Variants in ANKRD16 observed in about 807,000 individuals in gnomAD.
ANKRD16 encodes ankyrin repeat domain-containing protein 16.
A neutral mutation model predicts 37.9 loss-of-function variants in ANKRD16; 35 were observed. That is an observed-to-expected ratio of 0.92 (90% confidence interval 0.71 to 1.23). The LOEUF is 1.23. Among genes scored for constraint, ANKRD16 ranks in the 50% most tolerant of loss-of-function variants. The pLI is 0.00. For synonymous variants in ANKRD16, 206 were observed against 197.2 expected, an observed-to-expected ratio of 1.04 and a Z score of -0.37; for missense variants, 480 against 469.9, an observed-to-expected ratio of 1.02 and a Z score of -0.20.
rs1842473614 is a variant in ANKRD16, at chr10:5,887,989, G to A, written c.393C>T (p.Leu131=). 1 of 1,614,216 alleles carries A rather than the reference G, an allele frequency of 6.2e-7. No homozygotes were observed. Among genetic ancestry groups the A allele is most frequent in the Non-Finnish European group, 8.5e-7 (1 of 1,180,028 alleles). The change falls in exon 2 of 8, where the codon CTC becomes CTT. Residue 131 remains leucine, a synonymous_variant. Coordinates refer to ENST00000380094, the MANE Select transcript of ANKRD16 (RefSeq NM_019046.3). ...TGTTCCAGCCATCTTTGTTCTTCAGGAGTGGATTGGCGCCATGTTCCACCA... is the reference window on the plus strand; with the variant it reads ...TGTTCCAGCCATCTTTGTTCTTCAGAAGTGGATTGGCGCCATGTTCCACCA... The part of the protein sequence containing the change: ...QELVEHGANP[L]LKNKDGWNSF...
chr10:5,876,823 T>A (rs954990809), intron 7 of ANKRD16, among the ~76,000 whole-genome samples: 3 of 151,834 alleles, frequency 2.0e-5, no homozygotes, highest in Non-Finnish European at 4.4e-5. Context: ...AAAAGCCTGA[T>A]CTAGACTAAT....
Position 5,881,444 on chromosome 10 carries a change from ATATATATATATATAT to A in ANKRD16, c.850-1083_850-1069del, listed in dbSNP as rs1842310597. On this transcript the variant is annotated intron_variant, in intron 5 of 7. Transcript: ENST00000380094. ...TATAAAATAAAAATATTATTTATAT[ATATATATATATATAT>A]ATATATATATATATATATATATTTG... Among the ~76,000 whole-genome samples the A allele has an allele frequency of 4.8e-3, 547 of 113,056 alleles. 21 individuals carry two copies. The highest frequency in any genetic ancestry group is 0.016 in the African/African-American group (477 of 29,506). 74.2% of individuals were successfully genotyped at this position (113,056 alleles called of 152,430 possible).
chr10:5,882,863 A>G, intron 5 of ANKRD16, 143 bp downstream of exon 5: 2 of 894,016 alleles, frequency 2.2e-6, no homozygotes, highest in Non-Finnish European at 3.2e-6. Flanking sequence ...AAAGCGCTTC[A>G]GAATCCTGAC....
intron 2 of ANKRD16, among the ~76,000 whole-genome samples, chr10:5,886,850 A>T (rs754331512): frequency 4.6e-5 from 7 of 152,208 alleles, no homozygotes; most frequent in Non-Finnish European, 7.3e-5. Flanking sequence ...TAATCTACAA[A>T]TAGATAATTC....
Position 5,889,039 on chromosome 10 carries a change from A to G in ANKRD16, c.314+2T>C. ...CGGGGTGTCTTTCCGCTCCACACCT[A>G]CCAGTCGGCCTTCTTCAGGCAGTCG... On this transcript the variant is annotated splice_donor_variant, in intron 1 of 7. Coordinates refer to ENST00000380094, the MANE Select transcript of ANKRD16 (RefSeq NM_019046.3). LOFTEE classifies it high-confidence loss of function. 1.3e-6 allele frequency: 2 copies of G among 1,529,194 alleles called. No homozygotes were observed. The highest frequency in any genetic ancestry group is 1.7e-6 in the Non-Finnish European group (2 of 1,144,630). The allele number at this position is 1,529,194 out of a possible 1,614,324, so 94.7% of individuals were successfully genotyped here. A position where few individuals can be genotyped will look rare whatever the true frequency, so the allele number is the denominator to read the frequency against.
intron 6 of ANKRD16, among the ~76,000 whole-genome samples, chr10:5,879,566 T>C (rs914371419): frequency 6.6e-6 from 1 of 152,100 alleles, no homozygotes; most frequent in Non-Finnish European, 1.5e-5. Context: ...AAGAATTTGC[T>C]CTCAGCAGAT....
At chr10:5,876,798 T>C (rs1207516942) in intron 7 of ANKRD16, among the ~76,000 whole-genome samples, 2 of 152,114 alleles carry the variant, frequency 1.3e-5, no homozygotes, top group Admixed American at 6.6e-5. Flanking sequence ...TTGTGACTGA[T>C]GCATACAATG....
rs771792284 is a variant in ANKRD16, at chr10:5,870,404, CTTTTTTT to C, written c.*33+7686_*33+7692del. 1.5e-5 allele frequency among the ~76,000 whole-genome samples: 2 copies of C among 136,960 alleles called. No individual in the cohort carries two copies. 89.9% of individuals were successfully genotyped at this position (136,960 alleles called of 152,430 possible). Reference sequence around the variant, plus strand: ...GCCAGTCCTCATTCCCTCCCTACTGCTTTTTTTTTTTTTTTTTGAAACAGGGTTTTGC... The same window carrying C: ...GCCAGTCCTCATTCCCTCCCTACTGCTTTTTTTTTTGAAACAGGGTTTTGC... On this transcript the variant is annotated intron_variant, in intron 7 of 7. Transcript: ENST00000380094. The surrounding 1 kb of genome is among the most constrained non-coding windows in gnomAD (Gnocchi z 5.0).
chr10:5,864,954 A>G lies in ANKRD16; in HGVS notation c.*34-2263T>C, dbSNP rs1195360259. 2.0e-5 allele frequency among the ~76,000 whole-genome samples: 3 copies of G among 152,196 alleles called. No homozygotes were observed. Among genetic ancestry groups the G allele is most frequent in the Non-Finnish European group, 4.4e-5 (3 of 68,034 alleles). ...ATTGATCCTAAAAGGTAAGTTTATTATCCAATCAGCCACAGATATCAGGAG... is the reference window on the plus strand; with the variant it reads ...ATTGATCCTAAAAGGTAAGTTTATTGTCCAATCAGCCACAGATATCAGGAG... On this transcript the variant is annotated intron_variant, in intron 7 of 7. Coordinates refer to ENST00000380094, the MANE Select transcript of ANKRD16 (RefSeq NM_019046.3). This position sits in a 1 kb window ranked among gnomAD's most constrained non-coding sequence, Gnocchi z 4.4.
intron 3 of ANKRD16, among the ~76,000 whole-genome samples, chr10:5,885,116 G>A (rs906017439): frequency 1.3e-5 from 2 of 152,170 alleles, no homozygotes; most frequent in African/African-American, 4.8e-5. Context: ...GTTCCAGGAG[G>A]GTAGAAACTA....
In ANKRD16 at chr10:5,878,342, G is replaced by T. The variant is rs1842218992; in HGVS notation, c.929-55C>A. ...AAAACACAATCCCTGGAGCAATACT[G>T]ACCTCATGAGTTGATAGTGCCCAAT... On this transcript the variant is annotated intron_variant, in intron 6 of 7. Transcript: ENST00000380094. The surrounding 1 kb of genome is among the most constrained non-coding windows in gnomAD (Gnocchi z 5.1). 2 of 1,493,620 alleles carry T rather than the reference G, an allele frequency of 1.3e-6. No homozygotes were observed. The highest frequency in any genetic ancestry group is 1.4e-5 in the African/African-American group (1 of 71,416). 92.5% of individuals were successfully genotyped at this position (1,493,620 alleles called of 1,614,324 possible). A position where few individuals can be genotyped will look rare whatever the true frequency, so the allele number is the denominator to read the frequency against.
Position 5,864,356 on chromosome 10 carries a change from C to T in ANKRD16, c.*34-1665G>A, listed in dbSNP as rs79559548. 0.026 allele frequency among the ~76,000 whole-genome samples: 4,006 copies of T among 152,128 alleles called. 180 individuals are homozygous for T. The highest frequency in any genetic ancestry group is 0.091 in the African/African-American group (3,759 of 41,448). On this transcript the variant is annotated intron_variant, in intron 7 of 7. Transcript: ENST00000380094. This position sits in a 1 kb window ranked among gnomAD's most constrained non-coding sequence, Gnocchi z 4.4. ...ACAACCTCCCCCCCACCCCTGCTAT[C>T]GGTTATGTCCTTTTCAAGCTGTATG...
rs1393931908 is a variant in ANKRD16 at position 5,888,619 on chromosome 10, C to A, written c.314+422G>T. Among the ~76,000 whole-genome samples the A allele has an allele frequency of 2.6e-5, 4 of 152,232 alleles. No homozygotes were observed. In the South Asian group the frequency reaches 8.3e-4, roughly 32 times the overall value. Reference sequence around the variant, plus strand: ...CTGCACTGTGCTCTACACACACGAGCGCGTGTATAACTCAGGAATTCTGGA... The same window carrying A: ...CTGCACTGTGCTCTACACACACGAGAGCGTGTATAACTCAGGAATTCTGGA... On this transcript the variant is annotated intron_variant, in intron 1 of 7. Coordinates refer to ENST00000380094, the MANE Select transcript of ANKRD16 (RefSeq NM_019046.3).
chr10:5,888,166 A>AC, intron 1 of ANKRD16, 99 bp from the exon 2 acceptor site: 2 of 1,136,374 alleles, frequency 1.8e-6, no homozygotes, highest in Non-Finnish European at 1.3e-6. Flanking sequence ...CACAGATGGA[A>AC]AACCTAGAGG....
In ANKRD16 at chr10:5,871,849, C is replaced by T. The variant is rs1842094959; in HGVS notation, c.*33+6248G>A. On this transcript the variant is annotated intron_variant, in intron 7 of 7. Transcript: ENST00000380094. The surrounding 1 kb of genome is among the most constrained non-coding windows in gnomAD (Gnocchi z 4.5). Reference sequence around the variant, plus strand: ...TCACCCTCTCGGAGAAAACTACTGTCCTGTCAAACTGCTTTCTTCTTTCCT... The same window carrying T: ...TCACCCTCTCGGAGAAAACTACTGTTCTGTCAAACTGCTTTCTTCTTTCCT... Among the ~76,000 whole-genome samples the T allele has an allele frequency of 6.6e-6, 1 of 152,198 alleles. No individual in the cohort carries two copies.
intron 7 of ANKRD16, among the ~76,000 whole-genome samples, chr10:5,876,163 C>A (rs561880628): frequency 1.3e-5 from 2 of 152,356 alleles, no homozygotes; most frequent in South Asian, 4.1e-4. Context: ...GGATTACAGG[C>A]ATGAGCCACC....
rs138639392 is a variant in ANKRD16 at position 5,872,583 on chromosome 10, A to G, written c.*33+5514T>C. Among the ~76,000 whole-genome samples the G allele has an allele frequency of 1.1e-3, 166 of 151,752 alleles. No homozygotes were observed. In the East Asian group the frequency reaches 0.018, roughly 16 times the overall value. On this transcript the variant is annotated intron_variant, in intron 7 of 7. Coordinates refer to ENST00000380094, the MANE Select transcript of ANKRD16 (RefSeq NM_019046.3). ...ATGTAGGTATTTTTTTTGAGATGGA[A>G]TCTCACTCTGTTGCCCAGGCTGGAG...
intron 7 of ANKRD16, among the ~76,000 whole-genome samples, chr10:5,875,502 G>C (rs1842169046): frequency 6.6e-6 from 1 of 152,108 alleles, no homozygotes; most frequent in African/African-American, 2.4e-5. Context: ...TTGAAGAAAA[G>C]GACACAATTT....
At chr10:5,888,415 A>G (rs1311315668) in intron 1 of ANKRD16, among the ~76,000 whole-genome samples, 4 of 152,226 alleles carry the variant, frequency 2.6e-5, no homozygotes, top group Non-Finnish European at 4.4e-5. Context: ...CCCCTGCCCC[A>G]GTGGGGAAGA....
Sources: gnomAD v4.1 joint callset for allele counts (sites outside exome capture counted in the v4.1 genomes callset) on GRCh38, gnomAD v4.1.1 for gene constraint, Gnocchi (gnomAD v3.1) non-coding constraint, MANE v1.5 for transcripts, NCBI Gene and HGNC (gene_info 2026-07-23, HGNC 2026-07-21) for gene names.